Variants in GRM8 observed in about 807,000 individuals in gnomAD.
GRM8 encodes the protein metabotropic glutamate receptor 8.
In GRM8, 47 loss-of-function variants were observed where a neutral mutation model predicts 87.2. That is an observed-to-expected ratio of 0.54 (90% confidence interval 0.43 to 0.69). The LOEUF (loss-of-function observed/expected upper bound fraction) is 0.69. GRM8 is among the 30% of genes least tolerant of loss of function. The pLI, the probability that GRM8 is intolerant of heterozygous loss-of-function variation, is 0.00. For synonymous variants in GRM8, 396 were observed against 404.5 expected, an observed-to-expected ratio of 0.98 and a Z score of 0.25; for missense variants, 1,019 against 1,139.2, an observed-to-expected ratio of 0.89 and a Z score of 1.52.
chr7:127,227,586 TACGG>T (rs1797418164), intron 2 of GRM8, among the ~76,000 whole-genome samples: 1 of 152,214 alleles, frequency 6.6e-6, no homozygotes, highest in Non-Finnish European at 1.5e-5. Flanking sequence ...TTTTGGTGTT[TACGG>T]TGTTTCCCTA....
chr7:126,453,070 AACACACACACACACACACACACACACAC>A lies in GRM8; in HGVS notation c.2431-6726_2431-6699del, dbSNP rs71177555. The stretch of plus-strand genomic sequence containing the variant: ...CAAGACTTTTAGCCTTTATAGCAGA[AACACACACACACACACACACACACACAC>A]ACACACACACACACATACAAGCAAA... On this transcript the variant is annotated intron_variant, in intron 9 of 10. Transcript: ENST00000339582. Among the ~76,000 whole-genome samples, 182 of 146,056 alleles carry A rather than the reference AACACACACACACACACACACACACACAC, an allele frequency of 1.2e-3. 7 individuals are homozygous for A. The South Asian group carries it at 0.04, about 32-fold the overall frequency.
At chr7:127,158,431 C>A (rs17865143) in intron 2 of GRM8, among the ~76,000 whole-genome samples, 1,718 of 152,292 alleles carry the variant, frequency 0.011, 35 homozygotes, top group African/African-American at 0.039. Flanking sequence ...ACATGACATT[C>A]CATTTGTCTT....
At chr7:126,785,583 C>A (rs1031307926) in intron 6 of GRM8, among the ~76,000 whole-genome samples, 14 of 151,952 alleles carry the variant, frequency 9.2e-5, no homozygotes, top group Admixed American at 1.3e-4. Flanking sequence ...TTTTTAGGAA[C>A]CTTTCTTAAA....
intron 6 of GRM8, among the ~76,000 whole-genome samples, chr7:126,875,369 T>C (rs1438781019): frequency 1.3e-5 from 2 of 151,966 alleles, no homozygotes; most frequent in Non-Finnish European, 2.9e-5. Flanking sequence ...CTTCCTCACC[T>C]ATATAATATC....
At chr7:126,831,697 G>T (rs569406423) in intron 6 of GRM8, among the ~76,000 whole-genome samples, 3 of 152,048 alleles carry the variant, frequency 2.0e-5, no homozygotes, top group African/African-American at 7.2e-5. Context: ...TGCACAGTGC[G>T]CTGCACCCAC....
intron 8 of GRM8, among the ~76,000 whole-genome samples, chr7:126,606,002 G>A (rs1358576174): frequency 6.6e-6 from 1 of 152,174 alleles, no homozygotes; most frequent in South Asian, 2.1e-4. Context: ...AACAGAGTAT[G>A]AGCACAGACT....
intron 3 of GRM8, among the ~76,000 whole-genome samples, chr7:126,985,255 T>C (rs1563382077): frequency 6.6e-6 from 1 of 152,216 alleles, no homozygotes; most frequent in Admixed American, 6.5e-5. Context: ...CTTGAATTAG[T>C]CACAGAATGT....
intron 7 of GRM8, among the ~76,000 whole-genome samples, chr7:126,662,366 C>G (rs1006418343): frequency 1.3e-5 from 2 of 151,996 alleles, no homozygotes; most frequent in African/African-American, 4.8e-5. Flanking sequence ...GGAACATTAG[C>G]TTTAATCAGA....
chr7:127,212,418 T>A (rs993385897), intron 2 of GRM8, among the ~76,000 whole-genome samples: 13 of 124,688 alleles, frequency 1.0e-4, no homozygotes, highest in Admixed American at 7.7e-4. Context: ...TTATTTTTTT[T>A]TTTTTTTTTT....
At chr7:126,927,310 T>C (rs1054863172) in intron 3 of GRM8, among the ~76,000 whole-genome samples, 34 of 152,046 alleles carry the variant, frequency 2.2e-4, no homozygotes, top group Non-Finnish European at 4.4e-4. Flanking sequence ...AGTATGTTTT[T>C]TTTTTCTTTA....
At position 126,442,006 on chromosome 7, in the gene GRM8, A is replaced by G. The variant is rs1158168149; in HGVS notation, c.2678-2838T>C. Among the ~76,000 whole-genome samples the G allele has an allele frequency of 1.6e-3, 7 of 4,420 alleles. No individual in the cohort carries two copies. In the African/African-American group the frequency reaches 0.019, roughly 12 times the overall value. The allele number at this position is 4,420 out of a possible 152,430, so 2.9% of individuals were successfully genotyped here. On this transcript the variant is annotated intron_variant, in intron 10 of 10. Coordinates refer to ENST00000339582, the MANE Select transcript of GRM8 (RefSeq NM_000845.3). The stretch of plus-strand genomic sequence containing the variant: ...ATTCTATTCCCTGCAAAATGCGTGA[A>G]AAAAAAAAAATCATTGGGCCAGGTT...
Position 126,608,637 on chromosome 7 carries a change from T to C in GRM8, c.1494+725A>G, listed in dbSNP as rs576710095. ...AAGTAATCTGAACATCACCCTTAGA[T>C]ACATCAACCTTCCCTGGTGTTGCAA... On this transcript the variant is annotated intron_variant, in intron 8 of 10. Transcript: ENST00000339582. Among the ~76,000 whole-genome samples the C allele has an allele frequency of 3.3e-5, 5 of 152,180 alleles. No homozygotes were observed. The South Asian group carries it at 1.0e-3, about 32-fold the overall frequency.
At chr7:126,452,628 C>CA (rs1398639492) in intron 9 of GRM8, among the ~76,000 whole-genome samples, 20 of 151,342 alleles carry the variant, frequency 1.3e-4, no homozygotes, top group African/African-American at 4.8e-4. Context: ...CATTCTTTTT[C>CA]ATAGCAATCT....
chr7:127,180,020 G>A (rs965947091), intron 2 of GRM8, among the ~76,000 whole-genome samples: 1 of 151,902 alleles, frequency 6.6e-6, no homozygotes, highest in African/African-American at 2.4e-5. Flanking sequence ...AGAACTAAAT[G>A]AAATTGAAAC....
At chr7:126,586,555 A>T (rs548785154) in intron 8 of GRM8, among the ~76,000 whole-genome samples, 2 of 152,322 alleles carry the variant, frequency 1.3e-5, no homozygotes, top group African/African-American at 4.8e-5. Flanking sequence ...ATCTTTGACA[A>T]ACCTGACAAA....
intron 2 of GRM8, among the ~76,000 whole-genome samples, chr7:127,125,331 A>G (rs1232732467): frequency 1.3e-5 from 2 of 152,098 alleles, no homozygotes; most frequent in East Asian, 3.8e-4. Flanking sequence ...GGCTATAAAG[A>G]TGCCAAGAAA....
chr7:126,977,356 G>C (rs2131828555), intron 3 of GRM8, among the ~76,000 whole-genome samples: 1 of 152,300 alleles, frequency 6.6e-6, no homozygotes, highest in Non-Finnish European at 1.5e-5. Flanking sequence ...ACAATTTATA[G>C]TAATTACCTG....
chr7:126,805,957 T>C (rs963480562), intron 6 of GRM8, among the ~76,000 whole-genome samples: 12 of 151,862 alleles, frequency 7.9e-5, no homozygotes, highest in South Asian at 2.1e-4. Flanking sequence ...GGACGAGGTC[T>C]TTTTTCTATT....
intron 3 of GRM8, among the ~76,000 whole-genome samples, chr7:127,086,116 T>C (rs1823458561): frequency 6.6e-6 from 1 of 152,214 alleles, no homozygotes. Context: ...TGTTTTGTTT[T>C]TTGAGATGGA....
Sources: gnomAD v4.1 joint callset for allele counts (sites outside exome capture counted in the v4.1 genomes callset) on GRCh38, gnomAD v4.1.1 for gene constraint, MANE v1.5 for transcripts, NCBI Gene and HGNC (gene_info 2026-07-23, HGNC 2026-07-21) for gene names.